ZNF3: variants seen among roughly 807,000 people sequenced by gnomAD.
ZNF3 encodes C2-H2 type zinc finger protein.
Under a neutral mutation model 36.9 loss-of-function variants are expected in ZNF3, and 16 were observed. The ratio of observed to expected loss-of-function variants is 0.43; its 90% CI spans 0.29 to 0.66. The LOEUF is 0.66. Among genes scored for constraint, ZNF3 ranks in the 30% least tolerant of loss-of-function variants. ZNF3 has a pLI of 0.13. For synonymous variants in ZNF3, 201 were observed against 201.9 expected (o/e 1.00, Z 0.04); for missense variants, 462 against 543.1 (o/e 0.85, Z 1.48).
downstream of ZNF3, among the ~76,000 whole-genome samples, chr7:100,068,444 C>T (rs1488195534): frequency 6.6e-6 from 1 of 151,842 alleles, no homozygotes; most frequent in Non-Finnish European, 1.5e-5. Context: ...GAGGCCGAGG[C>T]AGGCAGATCA....
chr7:100,074,668 C>A (rs1358005092), intron 5 of ZNF3, among the ~76,000 whole-genome samples: 1 of 152,158 alleles, frequency 6.6e-6, no homozygotes, highest in Non-Finnish European at 1.5e-5. Context: ...TATATGAGAA[C>A]TCTTTATAAG....
intron 2 of ZNF3, chr7:100,078,723 C>T (rs62485010): frequency 0.16 from 23,892 of 152,060 alleles, 2,055 homozygotes; most frequent in Non-Finnish European, 0.19. Flanking sequence ...CCAACCAACC[C>T]TGGATTTGAT....
At chr7:100,077,070 C>CAAAA (rs951391543) in intron 3 of ZNF3, 2 of 464,298 alleles carry the variant, frequency 4.3e-6, no homozygotes, top group Admixed American at 6.5e-5. Flanking sequence ...GACTCCATCT[C>CAAAA]AAAAAAAACA....
chr7:100,067,345 C>T (rs914065532), downstream of ZNF3, among the ~76,000 whole-genome samples: 3 of 152,196 alleles, frequency 2.0e-5, no homozygotes, highest in Non-Finnish European at 4.4e-5. Context: ...CATTTTAACA[C>T]ACGCTGAGTC....
exon 6 of ZNF3, chr7:100,064,369 G>C: frequency 6.2e-7 from 1 of 1,614,078 alleles, no homozygotes; most frequent in Non-Finnish European, 8.5e-7. Context: ...TCAGTGTAAC[G>C]AATGTGGGAA....
downstream of ZNF3, among the ~76,000 whole-genome samples, chr7:100,069,050 G>A (rs568487677): frequency 5.9e-5 from 9 of 151,464 alleles, no homozygotes; most frequent in South Asian, 2.1e-4. Context: ...GGCTGGTCTC[G>A]AACTCCTGAC....
chr7:100,072,496 T>G (rs1335114686), intron 5 of ZNF3, among the ~76,000 whole-genome samples: 4 of 151,938 alleles, frequency 2.6e-5, no homozygotes, highest in African/African-American at 9.7e-5. Context: ...GGAACCAACT[T>G]TAGAAGAGGA....
In ZNF3 at chr7:100,071,990, G is replaced by T; in HGVS notation, c.494C>A (p.Thr165Asn). 1 of 1,613,998 alleles carries T rather than the reference G, an allele frequency of 6.2e-7. No homozygotes were observed. Among genetic ancestry groups the T allele is most frequent in the Non-Finnish European group, 8.5e-7 (1 of 1,179,972 alleles). The change falls in exon 6 of 6, where the codon ACC (threonine) becomes AAC (asparagine). Residue 165 changes from threonine to asparagine, a missense_variant. Coordinates refer to ENST00000299667, the MANE Select transcript of ZNF3 (RefSeq NM_032924.5). ...FGQVTVEEKL[T>N]PRGERSEKYN... The stretch of plus-strand genomic sequence containing the variant: ...TTTCTCGCTTCTCTCTCCCCTGGGG[G>T]TTAGCTTCTCCTCAACTGTCACTTG...
downstream of ZNF3, chr7:100,064,026 T>C (rs769291294): frequency 1.1e-4 from 178 of 1,614,016 alleles, no homozygotes; most frequent in South Asian, 3.3e-5. Flanking sequence ...AGAGACGTTA[T>C]ATATGTGCTG....
chr7:100,074,948 A>G (rs1334300124), intron 5 of ZNF3, among the ~76,000 whole-genome samples, 187 bp downstream of exon 5: 1 of 152,200 alleles, frequency 6.6e-6, no homozygotes, highest in Admixed American at 6.5e-5. Context: ...GCTACTTGGG[A>G]GGCAGAGGTG....
downstream of ZNF3, chr7:100,063,974 A>T (rs190422699): frequency 1.7e-4 from 278 of 1,614,196 alleles, 2 homozygotes; most frequent in Admixed American, 4.5e-3. Flanking sequence ...GCAGGCTCCA[A>T]GAAAGGTAGA....
chr7:100,073,812 T>C (rs183903132), intron 5 of ZNF3, among the ~76,000 whole-genome samples: 1 of 151,844 alleles, frequency 6.6e-6, no homozygotes, highest in African/African-American at 2.4e-5. Context: ...GGATAATCCT[T>C]CGGAAAAGTC....
downstream of ZNF3, among the ~76,000 whole-genome samples, chr7:100,068,503 T>C (rs1792758677): frequency 6.6e-6 from 1 of 151,668 alleles, no homozygotes; most frequent in Admixed American, 6.6e-5. Context: ...GAAATCCCGT[T>C]GTCTATTAAA....
chr7:100,068,114 T>C (rs761321842), downstream of ZNF3, among the ~76,000 whole-genome samples: 4 of 152,042 alleles, frequency 2.6e-5, no homozygotes, highest in Non-Finnish European at 5.9e-5. Context: ...TTCGAGACAG[T>C]CTCGCTCTGT....
At chr7:100,064,366 A>C (rs778963749) in exon 6 of ZNF3, 1 of 1,614,134 alleles carries the variant, frequency 6.2e-7, no homozygotes, top group South Asian at 1.1e-5. Context: ...TTATCAGTGT[A>C]ACGAATGTGG....
chr7:100,070,830 C>T lies in ZNF3; in HGVS notation c.*313G>A, dbSNP rs1165942930. 3.7e-5 allele frequency: 42 copies of T among 1,127,648 alleles called. No homozygotes were observed. Among genetic ancestry groups the T allele is most frequent in the Middle Eastern group, 7.9e-4 (2 of 2,546 alleles). The allele number at this position is 1,127,648 out of a possible 1,614,324, so 69.9% of individuals were successfully genotyped here. A position where few individuals can be genotyped will look rare whatever the true frequency, so the allele number is the denominator to read the frequency against. ...TAAAGGAATCCATCGAATTCTGTCC[C>T]GACTGTGCTTCCATCCCCACCTTGG... On this transcript the variant is annotated 3_prime_UTR_variant, in exon 6 of 6. Coordinates refer to ENST00000299667, the MANE Select transcript of ZNF3 (RefSeq NM_032924.5).
chr7:100,064,004 C>T, downstream of ZNF3: 2 of 1,614,146 alleles, frequency 1.2e-6, no homozygotes, highest in Non-Finnish European at 1.7e-6. Flanking sequence ...CCTACTAAAC[C>T]TACCCCAGGA....
At position 100,071,647 on chromosome 7, in the gene ZNF3, C is replaced by G. The variant is rs765738555; in HGVS notation, c.837G>C (p.Thr279=). ...SALILHRRIH[T]GEKPYECNEC... is the part of the protein sequence containing the mutation. ...CATTACATTCATAGGGTTTCTCCCCCGTGTGGATCCTCCGATGCAGAATGA... is the reference window on the plus strand; with the variant it reads ...CATTACATTCATAGGGTTTCTCCCCGGTGTGGATCCTCCGATGCAGAATGA... The change falls in exon 6 of 6, where the codon ACG becomes ACC. Residue 279 remains threonine (T), a synonymous_variant. Transcript: ENST00000299667. 3.1e-6 allele frequency: 5 copies of G among 1,612,872 alleles called. No homozygotes were observed. Among genetic ancestry groups the G allele is most frequent in the Admixed American group, 1.7e-5 (1 of 59,912 alleles).
downstream of ZNF3, among the ~76,000 whole-genome samples, chr7:100,069,238 A>G (rs1237346381): frequency 6.6e-6 from 1 of 152,024 alleles, no homozygotes; most frequent in Non-Finnish European, 1.5e-5. Flanking sequence ...GATTATAAGC[A>G]TGAGCCACTG....
Sources: allele counts gnomAD v4.1 joint callset (sites outside exome capture counted in the v4.1 genomes callset), GRCh38; gene constraint gnomAD v4.1.1; transcripts MANE v1.5; gene names NCBI Gene and HGNC (gene_info 2026-07-23, HGNC 2026-07-21).